The following CDH3 variants were observed in gnomAD, a reference collection of about 807,000 sequenced individuals.
CDH3 encodes the protein cadherin 3.
Under a neutral mutation model 82.0 loss-of-function variants are expected in CDH3, and 54 were observed. The ratio of observed to expected loss-of-function variants is 0.66; its 90% CI spans 0.53 to 0.83. CDH3 has a LOEUF of 0.83. Ranked by LOEUF, CDH3 falls within the 40% of genes least tolerant of loss-of-function variation. CDH3 has a pLI of 0.00. For synonymous variants in CDH3, 446 were observed against 437.9 expected (o/e 1.02, Z -0.23); for missense variants, 1,054 against 1,084.6 (o/e 0.97, Z 0.40).
At chr16:68,676,305 C>A in intron 2 of CDH3, 80 bp from the exon 3 acceptor site, 1 of 981,244 alleles carries the variant, frequency 1.0e-6, no homozygotes, top group Non-Finnish European at 1.6e-6. Context: ...AGTCAGAGGA[C>A]TCTTGTCAGT....
At position 68,678,135 on chromosome 16, in the gene CDH3, AAAG is replaced by A. The variant is rs1279164946; in HGVS notation, c.252_254del (p.Arg85del). ...GTTAAGGAGTTTCTCTCCTTGCAGG[AAAG>A]AAGGTCACTGAAGGAAAGGAATCCA... On this transcript the variant is annotated inframe_deletion and splice_region_variant, in exon 4 of 16. Transcript: ENST00000264012. The A allele has an allele frequency of 6.2e-7, 1 of 1,613,746 alleles. No individual in the cohort carries two copies. The highest frequency in any genetic ancestry group is 1.3e-5 in the African/African-American group (1 of 74,900).
At chr16:68,716,864 C>T (rs1962100926) in intron 1 of CDH3, among the ~76,000 whole-genome samples, 1 of 151,248 alleles carries the variant, frequency 6.6e-6, no homozygotes, top group Non-Finnish European at 1.5e-5. Context: ...ACTGGGACTA[C>T]AGGCACAAGC....
At chr16:68,712,937 C>A (rs1014037162) in intron 1 of CDH3, among the ~76,000 whole-genome samples, 1 of 152,116 alleles carries the variant, frequency 6.6e-6, no homozygotes, top group Non-Finnish European at 1.5e-5. Flanking sequence ...CCGCCTCAGC[C>A]TCCCAAAGTG....
chr16:68,682,543 C>A (rs1961262956), intron 9 of CDH3, 56 bp downstream of exon 9: 5 of 1,545,006 alleles, frequency 3.2e-6, no homozygotes, highest in Non-Finnish European at 4.5e-6. Context: ...AGGTCTGCAG[C>A]CTTCAGGATG....
At chr16:68,711,348 A>AGAAAGAAAAG (rs1000536554) in intron 1 of CDH3, among the ~76,000 whole-genome samples, 7 of 149,820 alleles carry the variant, frequency 4.7e-5, no homozygotes, top group African/African-American at 1.5e-4. Context: ...AGAAAGAAAA[A>AGAAAGAAAAG]GAAAGAAAAG....
At chr16:68,659,771 C>G (rs1209417267) in intron 2 of CDH3, among the ~76,000 whole-genome samples, 1 of 147,556 alleles carries the variant, frequency 6.8e-6, no homozygotes, top group Admixed American at 6.8e-5. Flanking sequence ...GGCAAGCACA[C>G]AGTTACTGAT....
intron 2 of CDH3, 56 bp from the exon 3 acceptor site, chr16:68,676,329 G>A: frequency 7.7e-7 from 1 of 1,305,004 alleles, no homozygotes; most frequent in Non-Finnish European, 1.1e-6. Context: ...GTTTTCCTGG[G>A]GCAACTTCCA....
chr16:68,728,634 T>G (rs1325281185), downstream of CDH3, among the ~76,000 whole-genome samples: 1 of 152,186 alleles, frequency 6.6e-6, no homozygotes. Flanking sequence ...GTATTTTGTT[T>G]ATCTCTTTGT....
downstream of CDH3, among the ~76,000 whole-genome samples, chr16:68,704,692 A>G (rs1291227773): frequency 6.6e-6 from 1 of 152,364 alleles, no homozygotes; most frequent in South Asian, 2.1e-4. Flanking sequence ...AAGACAGTCA[A>G]TATGGAGTCA....
At chr16:68,694,620 C>T (rs62057800) in intron 13 of CDH3, among the ~76,000 whole-genome samples, 2 of 136,290 alleles carry the variant, frequency 1.5e-5, no homozygotes, top group Non-Finnish European at 1.6e-5. Flanking sequence ...GAGACTCTGT[C>T]TCAAAAAAAA....
downstream of CDH3, among the ~76,000 whole-genome samples, chr16:68,700,622 C>T (rs997021303): frequency 6.6e-6 from 1 of 152,178 alleles, no homozygotes; most frequent in Non-Finnish European, 1.5e-5. Context: ...TGGCCTGATC[C>T]GCCCGCCTCG....
chr16:68,667,789 G>T (rs1960777791), intron 2 of CDH3, among the ~76,000 whole-genome samples: 1 of 152,232 alleles, frequency 6.6e-6, no homozygotes, highest in Admixed American at 6.5e-5. Context: ...TTGGCAGGAT[G>T]ATCTTTAGAG....
intron 2 of CDH3, among the ~76,000 whole-genome samples, chr16:68,672,196 A>AT (rs1309963946): frequency 8.7e-4 from 94 of 108,156 alleles, no homozygotes; most frequent in South Asian, 5.0e-3. Context: ...GTCTCAAAAA[A>AT]AAAAAAAATA....
At chr16:68,710,378 G>A (rs1962011700) in intron 1 of CDH3, among the ~76,000 whole-genome samples, 1 of 152,190 alleles carries the variant, frequency 6.6e-6, no homozygotes, top group Admixed American at 6.5e-5. Context: ...TCTCAACCAG[G>A]GGTAGTTATG....
At position 68,684,800 on chromosome 16, in the gene CDH3, C is replaced by T. The variant is rs1452474014; in HGVS notation, c.1400C>T (p.Pro467Leu). 1 of 1,614,058 alleles carries T rather than the reference C, an allele frequency of 6.2e-7. No individual in the cohort carries two copies. The highest frequency in any genetic ancestry group is 1.3e-5 in the African/African-American group (1 of 74,930). Residue 467 changes from proline (P) to leucine (L), a missense_variant, in exon 10 of 16, where the codon CCT becomes CTT. Coordinates refer to ENST00000264012, the MANE Select transcript of CDH3 (RefSeq NM_001793.6). Reference protein sequence around the residue: ...EPVCVYTAEDPDKENQKISYR... With the variant: ...EPVCVYTAEDLDKENQKISYR... Reference sequence around the variant, plus strand: ...GTGTGTGTCTACACTGCAGAAGACCCTGACAAGGAGAATCAAAAGATCAGG... The same window carrying T: ...GTGTGTGTCTACACTGCAGAAGACCTTGACAAGGAGAATCAAAAGATCAGG...
At chr16:68,705,142 T>G (rs868643665), downstream of CDH3, among the ~76,000 whole-genome samples, 7 of 152,194 alleles carry the variant, frequency 4.6e-5, no homozygotes, top group African/African-American at 1.7e-4. Flanking sequence ...GGTCTAGATC[T>G]CCTTGATTGC....
chr16:68,653,537 G>A (rs994801864), intron 2 of CDH3, among the ~76,000 whole-genome samples: 11 of 151,586 alleles, frequency 7.3e-5, no homozygotes, highest in East Asian at 2.0e-4. Flanking sequence ...GCGCCCGGCC[G>A]GCAGCAAGTT....
chr16:68,645,383 G>C lies in CDH3; in HGVS notation c.4G>C (p.Gly2Arg). Residue 2 changes from glycine to arginine, a missense_variant, in exon 1 of 16, where the codon GGG becomes CGG. Physicochemically the swap from Gly to Arg is moderately radical, Grantham distance 125. Transcript: ENST00000264012. ...CTTCACCCCTCTCTCTGCAGCCATGGGGCTCCCTCGTGGACCTCTCGCGTC... is the reference window on the plus strand; with the variant it reads ...CTTCACCCCTCTCTCTGCAGCCATGCGGCTCCCTCGTGGACCTCTCGCGTC... M[G>R]LPRGPLASLL... The C allele has an allele frequency of 4.3e-6, 7 of 1,613,384 alleles. No individual in the cohort carries two copies. The highest frequency in any genetic ancestry group is 5.9e-6 in the Non-Finnish European group (7 of 1,179,742).
At chr16:68,681,521 C>A (rs140575276) in intron 8 of CDH3, among the ~76,000 whole-genome samples, 24 of 152,256 alleles carry the variant, frequency 1.6e-4, no homozygotes, top group African/African-American at 4.3e-4. Context: ...CAACTCTGAA[C>A]GTTAATTAGG....
Sources: allele counts gnomAD v4.1 joint callset (sites outside exome capture counted in the v4.1 genomes callset), GRCh38; gene constraint gnomAD v4.1.1; transcripts MANE v1.5; gene names NCBI Gene and HGNC (gene_info 2026-07-23, HGNC 2026-07-21).